Variants in DOCK9 observed in about 807,000 individuals in gnomAD.
The protein encoded by DOCK9 is dedicator of cytokinesis protein 9.
A neutral mutation model predicts 263.3 loss-of-function variants in DOCK9; 89 were observed. That is an observed-to-expected ratio of 0.34 (90% CI 0.28 to 0.40). DOCK9 has a LOEUF of 0.40. Ranked by LOEUF, DOCK9 falls within the 10% of genes least tolerant of loss-of-function variation. The pLI is 1.00. For missense variants in DOCK9, 2,140 were observed against 2,603.4 expected (o/e 0.82, Z 3.87); for synonymous variants, 976 against 973.1 (o/e 1.00, Z -0.06).
intron 45 of DOCK9, among the ~76,000 whole-genome samples, chr13:98,813,419 T>A (rs547699940): frequency 1.2e-4 from 18 of 152,232 alleles, no homozygotes; most frequent in African/African-American, 4.3e-4. Flanking sequence ...TTTAAAAAAA[T>A]TATGAATAGA....
intron 1 of DOCK9, among the ~76,000 whole-genome samples, chr13:99,053,981 C>A (rs1185849470): frequency 1.3e-5 from 2 of 152,126 alleles, no homozygotes; most frequent in African/African-American, 4.8e-5. Context: ...GATTATCTGC[C>A]TAACACGGTA....
chr13:98,928,706 A>C (rs34789162), intron 3 of DOCK9, among the ~76,000 whole-genome samples: 3,354 of 152,358 alleles, frequency 0.022, 56 homozygotes, highest in Non-Finnish European at 0.035. Context: ...AGCCATAGGC[A>C]ATATGTAAAC....
intron 1 of DOCK9, among the ~76,000 whole-genome samples, chr13:99,041,480 C>CA (rs11411001): frequency 0.48 from 66,000 of 137,006 alleles, 15,347 homozygotes; most frequent in East Asian, 0.66. Context: ...AAGACTGTCT[C>CA]AAAAAAAAAA....
At chr13:98,923,393 T>G in intron 4 of DOCK9, 22 bp from the exon 5 acceptor site, 2 of 1,607,632 alleles carry the variant, frequency 1.2e-6, no homozygotes, top group Non-Finnish European at 1.7e-6. Flanking sequence ...ACAAAGAAAA[T>G]TTGTTTTAGA....
In DOCK9 at chr13:98,902,388, A is replaced by G. The variant is rs1301521595; in HGVS notation, c.1280T>C (p.Met427Thr). The change falls in exon 12 of 53, where the codon ATG becomes ACG. Residue 427 changes from methionine to threonine, a missense_variant. By Grantham distance (81) the Met-to-Thr change is moderately conservative. Around this residue, in one of 2 missense-constraint regions of DOCK9, gnomAD observed 1,521 missense variants for 1,741.7 expected, o/e 0.87. Coordinates refer to ENST00000682017, the MANE Select transcript of DOCK9 (RefSeq NM_001366683.2). Reference sequence around the variant, plus strand: ...CAGCGCCGGGGACGTGGTGGCGAGCATTTGCCTCACTGAGAAATGGTTCAG... The same window carrying G: ...CAGCGCCGGGGACGTGGTGGCGAGCGTTTGCCTCACTGAGAAATGGTTCAG... The part of the protein sequence containing the change: ...VDLNHFSVRQ[M>T]LATTSPALMN... 1.2e-6 allele frequency: 2 copies of G among 1,614,006 alleles called. No homozygotes were observed. The highest frequency in any genetic ancestry group is 3.3e-5 in the Admixed American group (2 of 60,026).
In DOCK9 at chr13:98,904,688, T is replaced by C. The variant is rs1423876157; in HGVS notation, c.979A>G (p.Ile327Val). ...ACTCTGCTTTCACTTTTCAGTTTGA[T>C]TTCTGCTTCTCTTGCACTCTGATAA... ...ELAKSAREAE[I>V]KLKSESRVKL... Residue 327 changes from isoleucine to valine, a missense_variant, in exon 10 of 53, where the codon ATC (isoleucine) becomes GTC (valine). By Grantham distance (29) the Ile-to-Val change is conservative (BLOSUM62 3). Around this residue, in one of 2 missense-constraint regions of DOCK9, gnomAD observed 1,521 missense variants for 1,741.7 expected, o/e 0.87. Transcript: ENST00000682017. 6.4e-7 allele frequency: 1 copy of C among 1,556,226 alleles called. No individual in the cohort carries two copies. Among genetic ancestry groups the C allele is most frequent in the Non-Finnish European group, 8.7e-7 (1 of 1,148,838 alleles).
chr13:99,086,544 C>T (rs1054876653), exon 1 of DOCK9: 21 of 194,118 alleles, frequency 1.1e-4, no homozygotes, highest in Non-Finnish European at 1.8e-4. Context: ...GTGTCACGCC[C>T]CAAGGCGCCC....
rs745976726 is a variant in DOCK9 at position 98,829,888 on chromosome 13, G to A, written c.4636-132C>T. ...TTGGGGGGTGCTTTGAGCAGGGGTCGCTCCGTGTAGGAAACAATGTCTGAG... is the reference window on the plus strand; with the variant it reads ...TTGGGGGGTGCTTTGAGCAGGGGTCACTCCGTGTAGGAAACAATGTCTGAG... On this transcript the variant is annotated intron_variant, in intron 41 of 52. Coordinates refer to ENST00000682017, the MANE Select transcript of DOCK9 (RefSeq NM_001366683.2). The surrounding 1 kb of genome is among the most constrained non-coding windows in gnomAD (Gnocchi z 4.1). 49 of 677,740 alleles carry A rather than the reference G, an allele frequency of 7.2e-5. No individual in the cohort carries two copies. In the Admixed American group the frequency reaches 9.0e-4, roughly 13 times the overall value. 42.0% of individuals were successfully genotyped at this position (677,740 alleles called of 1,614,324 possible). A position where few individuals can be genotyped will look rare whatever the true frequency, so the allele number is the denominator to read the frequency against.
chr13:98,799,687 A>G (rs2089875256), intron 50 of DOCK9, among the ~76,000 whole-genome samples: 1 of 152,180 alleles, frequency 6.6e-6, no homozygotes, highest in Non-Finnish European at 1.5e-5. Context: ...ACTATAACAT[A>G]TACAAAAATC....
intron 1 of DOCK9, among the ~76,000 whole-genome samples, chr13:99,043,702 C>T (rs937896261): frequency 5.3e-5 from 8 of 152,184 alleles, no homozygotes; most frequent in Non-Finnish European, 1.0e-4. Context: ...CCAGAAGGAA[C>T]ATGGGGTCTA....
chr13:98,997,275 TTCC>T (rs891433754), intron 1 of DOCK9, among the ~76,000 whole-genome samples: 2 of 152,226 alleles, frequency 1.3e-5, no homozygotes, highest in African/African-American at 2.4e-5. Context: ...TCACCTCACT[TTCC>T]TCTGGTTATT....
At chr13:98,875,984 T>A (rs550816358) in intron 27 of DOCK9, among the ~76,000 whole-genome samples, 9 of 152,298 alleles carry the variant, frequency 5.9e-5, no homozygotes, top group African/African-American at 2.2e-4. Flanking sequence ...GCCATGTCCC[T>A]CCATGTAAAT....
At chr13:98,915,042 C>A (rs149530517) in intron 8 of DOCK9, among the ~76,000 whole-genome samples, 2 of 152,150 alleles carry the variant, frequency 1.3e-5, no homozygotes, top group African/African-American at 4.8e-5. Context: ...AGTTGTTTAC[C>A]CAGGGCTACA....
chr13:98,952,096 C>A (rs1476339888), intron 2 of DOCK9, among the ~76,000 whole-genome samples: 1 of 151,006 alleles, frequency 6.6e-6, no homozygotes, highest in Non-Finnish European at 1.5e-5. Flanking sequence ...CGGGGTTTTG[C>A]CATGTTGGCC....
At chr13:99,018,147 T>C (rs1281586139) in intron 1 of DOCK9, among the ~76,000 whole-genome samples, 2 of 152,170 alleles carry the variant, frequency 1.3e-5, no homozygotes, top group African/African-American at 2.4e-5. Context: ...AATGTTACAG[T>C]TTGAATGTGT....
Position 98,898,233 on chromosome 13 carries a change from T to C in DOCK9, c.1532A>G (p.Lys511Arg). 1 of 1,612,032 alleles carries C rather than the reference T, an allele frequency of 6.2e-7. No individual in the cohort carries two copies. Among genetic ancestry groups the C allele is most frequent in the Non-Finnish European group, 8.5e-7 (1 of 1,179,046 alleles). The change falls in exon 14 of 53, where the codon AAG becomes AGG. Residue 511 changes from lysine to arginine, a missense_variant. Lys to Arg is a conservative substitution (Grantham distance 26). Coordinates refer to ENST00000682017, the MANE Select transcript of DOCK9 (RefSeq NM_001366683.2). ...KVAQKVLKNAKQACQRLGQYR... is the reference protein window; with the variant it reads ...KVAQKVLKNARQACQRLGQYR... ...CTGTCCTAGTCTTTGGCATGCCTGCTTGGCATTCTTCAGCACCTTCTGGGC... is the reference window on the plus strand; with the variant it reads ...CTGTCCTAGTCTTTGGCATGCCTGCCTGGCATTCTTCAGCACCTTCTGGGC...
At chr13:99,059,959 C>T (rs182371590) in intron 1 of DOCK9, among the ~76,000 whole-genome samples, 1 of 151,960 alleles carries the variant, frequency 6.6e-6, no homozygotes, top group Admixed American at 6.6e-5. Context: ...CAAGATTCAT[C>T]CATACTGTGG....
chr13:99,002,995 T>C (rs149932106), intron 1 of DOCK9, among the ~76,000 whole-genome samples: 222 of 151,858 alleles, frequency 1.5e-3, no homozygotes, highest in African/African-American at 5.0e-3. Context: ...TAGTTAACAA[T>C]AGAAGTCTGC....
intron 1 of DOCK9, among the ~76,000 whole-genome samples, chr13:99,033,381 C>A (rs1442108388): frequency 6.6e-6 from 1 of 152,152 alleles, no homozygotes; most frequent in East Asian, 1.9e-4. Flanking sequence ...ATAGGATAAA[C>A]CATTTGTGAG....
Sources: allele counts gnomAD v4.1 joint callset (sites outside exome capture counted in the v4.1 genomes callset), GRCh38; gene constraint gnomAD v4.1.1; regional missense constraint gnomAD v4.1.1; non-coding constraint Gnocchi (gnomAD v3.1); transcripts MANE v1.5; gene names NCBI Gene and HGNC (gene_info 2026-07-23, HGNC 2026-07-21).